The following UGT1A3 variants were observed in gnomAD, a reference collection of about 807,000 sequenced individuals.
UGT1A3 encodes UDP-glucuronosyltransferase 1A3.
A neutral mutation model predicts 41.0 loss-of-function variants in UGT1A3; 31 were observed. The observed-to-expected ratio is 0.76, with a 90% confidence interval of 0.57 to 1.02. The LOEUF (loss-of-function observed/expected upper bound fraction) is 1.02, where lower values mean the gene tolerates loss of function less well. UGT1A3 is among the 50% of genes least tolerant of loss of function. The pLI is 0.00. For synonymous variants in UGT1A3, 262 were observed against 257.6 expected (o/e 1.02, Z -0.17); for missense variants, 737 against 671.0 (o/e 1.10, Z -1.09).
At chr2:233,770,978 T>C (rs1192605361) in intron 4 of UGT1A3, 1 of 152,076 alleles carries the variant, frequency 6.6e-6, no homozygotes, top group Non-Finnish European at 1.5e-5. Flanking sequence ...CAGAAGGCAA[T>C]GCGGGAGCTT....
chr2:233,737,713 A>C (rs1453713127), intron 1 of UGT1A3, among the ~76,000 whole-genome samples: 1 of 151,992 alleles, frequency 6.6e-6, no homozygotes, highest in Non-Finnish European at 1.5e-5. Flanking sequence ...TCTCCTCTCC[A>C]ACACCTCCTT....
chr2:233,758,550 C>T (rs537826054), intron 1 of UGT1A3, among the ~76,000 whole-genome samples: 173 of 152,196 alleles, frequency 1.1e-3, no homozygotes, highest in African/African-American at 3.9e-3. Flanking sequence ...TTCTGCTTGC[C>T]CAGAATCTTG....
intron 1 of UGT1A3, among the ~76,000 whole-genome samples, chr2:233,761,361 C>T (rs1202698678): frequency 6.6e-6 from 1 of 152,198 alleles, no homozygotes; most frequent in African/African-American, 2.4e-5. Context: ...GGAAAGCATT[C>T]CTTGGACATT....
chr2:233,747,371 C>G (rs757857857), intron 1 of UGT1A3: 19 of 1,604,150 alleles, frequency 1.2e-5, no homozygotes, highest in Non-Finnish European at 1.5e-5. Flanking sequence ...AGCTCCATGC[C>G]AGAGGCCACC....
At position 233,767,859 on chromosome 2, in the gene UGT1A3, G is replaced by A. The variant is rs750453538; in HGVS notation, c.1010G>A (p.Arg337Gln). ...LGKIPQTVLW[R>Q]YTGTRPSNLA... The stretch of plus-strand genomic sequence containing the variant: ...TTTTGCCCCTCCCAGGTCCTGTGGC[G>A]GTACACTGGAACCCGACCATCGAAT... The change falls in exon 3 of 5, where the codon CGG becomes CAG. Residue 337 changes from arginine to glutamine, a missense_variant. Arg to Gln is a conservative substitution (Grantham distance 43). Transcript: ENST00000482026. 15 of 1,613,938 alleles carry A rather than the reference G, an allele frequency of 9.3e-6. No homozygotes were observed. The highest frequency in any genetic ancestry group is 5.3e-5 in the African/African-American group (4 of 74,850).
intron 1 of UGT1A3, chr2:233,752,561 A>G (rs1440235236): frequency 6.6e-6 from 1 of 152,232 alleles, no homozygotes; most frequent in Non-Finnish European, 1.5e-5. Context: ...GGGACAACAT[A>G]GTGGGTCAAC....
At chr2:233,737,360 A>G (rs540165116) in intron 1 of UGT1A3, among the ~76,000 whole-genome samples, 5 of 152,246 alleles carry the variant, frequency 3.3e-5, no homozygotes, top group Admixed American at 6.5e-5. Flanking sequence ...GGAGCTGCTA[A>G]GCCAGGCAGG....
At position 233,739,969 on chromosome 2, in the gene UGT1A3, C is replaced by T. The variant is rs1048693209; in HGVS notation, c.867+9976C>T. Among the ~76,000 whole-genome samples, 3 of 151,864 alleles carry T rather than the reference C, an allele frequency of 2.0e-5. No homozygotes were observed. In the East Asian group the frequency reaches 5.8e-4, roughly 29 times the overall value. ...CTGGTGGGAGCTGATTGAATCATAT[C>T]GGCAGTTTTCCCCATGCTGTTCTTG... On this transcript the variant is annotated intron_variant, in intron 1 of 4. Coordinates refer to ENST00000482026, the MANE Select transcript of UGT1A3 (RefSeq NM_019093.4).
intron 1 of UGT1A3, among the ~76,000 whole-genome samples, chr2:233,757,587 A>G (rs1696672783): frequency 9.1e-6 from 1 of 109,366 alleles, no homozygotes; most frequent in Middle Eastern, 4.5e-3. Context: ...CTATAGTCTA[A>G]TAGCAAGGAC....
At chr2:233,754,489 A>G (rs1289708374) in intron 1 of UGT1A3, 4 of 357,158 alleles carry the variant, frequency 1.1e-5, no homozygotes, top group Non-Finnish European at 1.1e-5. Flanking sequence ...TTTCAATCCT[A>G]AAAAAAGTCC....
chr2:233,750,659 G>C (rs1224813107), intron 1 of UGT1A3: 1 of 143,478 alleles, frequency 7.0e-6, no homozygotes, highest in Non-Finnish European at 1.5e-5. Context: ...AGGACTTGGT[G>C]CCCTGTGTCC....
At chr2:233,756,794 A>G (rs1409639482) in intron 1 of UGT1A3, among the ~76,000 whole-genome samples, 1 of 152,086 alleles carries the variant, frequency 6.6e-6, no homozygotes, top group Admixed American at 6.5e-5. Flanking sequence ...GTGGGGCAAT[A>G]CACTAGTAAA....
At chr2:233,744,255 T>C (rs1692752332) in intron 1 of UGT1A3, among the ~76,000 whole-genome samples, 1 of 151,806 alleles carries the variant, frequency 6.6e-6, no homozygotes, top group African/African-American at 2.4e-5. Flanking sequence ...CCTGAAGAAC[T>C]GTTTTTCTTA....
At chr2:233,760,280 A>G (rs1365658904) in intron 1 of UGT1A3, 1 of 1,612,818 alleles carries the variant, frequency 6.2e-7, no homozygotes, top group Non-Finnish European at 8.5e-7. Flanking sequence ...GGCAGGAGCA[A>G]AGGCGCCATG....
In UGT1A3 at chr2:233,741,465, T is replaced by C. The variant is rs1260988830; in HGVS notation, c.867+11472T>C. The stretch of plus-strand genomic sequence containing the variant: ...ACTACTCAGTGAGTATCTTCACACA[T>C]GTAAGTTCCCTCGTCTGATGTACAA... On this transcript the variant is annotated intron_variant, in intron 1 of 4. Coordinates refer to ENST00000482026, the MANE Select transcript of UGT1A3 (RefSeq NM_019093.4). 6 of 151,930 alleles carry C rather than the reference T, an allele frequency of 3.9e-5. 1 individual carries two copies. Among genetic ancestry groups the C allele is most frequent in the African/African-American group, 1.2e-4 (5 of 41,162 alleles). 9.4% of individuals were successfully genotyped at this position (151,930 alleles called of 1,614,324 possible).
chr2:233,739,708 G>C lies in UGT1A3; in HGVS notation c.867+9715G>C, dbSNP rs578128950. Reference sequence around the variant, plus strand: ...TGTTTTTGATTTTACAGGCTCATGGGGGAAGGGACTTGACTTGTCTCAGAT... The same window carrying C: ...TGTTTTTGATTTTACAGGCTCATGGCGGAAGGGACTTGACTTGTCTCAGAT... On this transcript the variant is annotated intron_variant, in intron 1 of 4. Coordinates refer to ENST00000482026, the MANE Select transcript of UGT1A3 (RefSeq NM_019093.4). 2.0e-5 allele frequency among the ~76,000 whole-genome samples: 3 copies of C among 152,316 alleles called. No homozygotes were observed. The East Asian group carries it at 5.8e-4, about 29-fold the overall frequency.
intron 1 of UGT1A3, among the ~76,000 whole-genome samples, chr2:233,756,693 T>C (rs1305461555): frequency 6.6e-6 from 1 of 152,168 alleles, no homozygotes; most frequent in East Asian, 1.9e-4. Context: ...ATAATGACGA[T>C]GAATTTTGGG....
intron 1 of UGT1A3, among the ~76,000 whole-genome samples, chr2:233,741,186 G>A (rs901469782): frequency 6.6e-6 from 1 of 151,878 alleles, no homozygotes; most frequent in African/African-American, 2.4e-5. Flanking sequence ...ACTTGTGTTT[G>A]CTTTCAACTG....
At position 233,769,334 on chromosome 2, in the gene UGT1A3, AG is replaced by A. The variant is rs1261695807; in HGVS notation, c.1307+896del. Among the ~76,000 whole-genome samples the A allele has an allele frequency of 6.6e-6, 1 of 152,248 alleles. No individual in the cohort carries two copies. The highest frequency in any genetic ancestry group is 1.5e-5 in the Non-Finnish European group (1 of 68,042). ...CAAGCTCACTGGTAATAGGCTTATT[AG>A]AACCTTATGGGAAGAAGTGGTGGCC... On this transcript the variant is annotated intron_variant, in intron 4 of 4. Transcript: ENST00000482026. This position sits in a 1 kb window ranked among gnomAD's most constrained non-coding sequence, Gnocchi z 4.4.
Sources: gnomAD v4.1 joint callset for allele counts (sites outside exome capture counted in the v4.1 genomes callset) on GRCh38, gnomAD v4.1.1 for gene constraint, Gnocchi (gnomAD v3.1) non-coding constraint, MANE v1.5 for transcripts, NCBI Gene and HGNC (gene_info 2026-07-23, HGNC 2026-07-21) for gene names.